Variants in ACTR3 observed in about 807,000 individuals in gnomAD.
ACTR3 encodes the protein actin-related protein 3.
A neutral mutation model predicts 56.8 loss-of-function variants in ACTR3; 12 were observed. That is an observed-to-expected ratio of 0.21 (90% CI 0.14 to 0.34). The LOEUF (loss-of-function observed/expected upper bound fraction) is 0.34. ACTR3 is among the 10% of genes least tolerant of loss of function. The probability of loss-of-function intolerance (pLI) is 1.00; values close to 1 mark genes in which losing one functional copy is unlikely to be tolerated. For synonymous variants in ACTR3, 162 were observed against 167.4 expected, an observed-to-expected ratio of 0.97 and a Z score of 0.25; for missense variants, 282 against 512.5, an observed-to-expected ratio of 0.55 and a Z score of 4.34.
At chr2:113,957,282 C>A in intron 11 of ACTR3, 78 bp from the exon 12 acceptor site, 1 of 1,019,572 alleles carries the variant, frequency 9.8e-7, no homozygotes, top group Non-Finnish European at 1.5e-6. Flanking sequence ...TAAAGCATCA[C>A]TCTTAAAGTT....
rs1680123845 is a variant in ACTR3, at chr2:113,951,698, ATATT to A, written c.952-16_952-13del. ...TTAAACTTTTCTCTTTTTAAATATT[ATATT>A]TATTTTCTCTCCACTAGAATATTGT... On this transcript the variant is annotated intron_variant, in intron 9 of 11. Transcript: ENST00000263238. The A allele has an allele frequency of 3.3e-6, 5 of 1,533,346 alleles. No homozygotes were observed. Among genetic ancestry groups the A allele is most frequent in the Non-Finnish European group, 4.4e-6 (5 of 1,132,462 alleles). 95.0% of individuals were successfully genotyped at this position (1,533,346 alleles called of 1,614,324 possible). A position where few individuals can be genotyped will look rare whatever the true frequency, so the allele number is the denominator to read the frequency against.
intron 4 of ACTR3, among the ~76,000 whole-genome samples, chr2:113,930,798 A>C (rs1025399431): frequency 1.3e-5 from 2 of 152,358 alleles, no homozygotes; most frequent in African/African-American, 4.8e-5. Flanking sequence ...AGGTAAATTA[A>C]TATAACATTT....
intron 10 of ACTR3, 138 bp downstream of exon 10, chr2:113,951,983 T>C (rs921384726): frequency 2.8e-6 from 3 of 1,073,652 alleles, no homozygotes; most frequent in South Asian, 1.7e-5. Flanking sequence ...GTTAATGTTA[T>C]AGATTTATGT....
chr2:113,950,911 C>G (rs1052597002), intron 8 of ACTR3: 3 of 152,662 alleles, frequency 2.0e-5, no homozygotes, highest in Admixed American at 2.0e-4. Context: ...GGAGCAAGTC[C>G]TGTCTTACAT....
At chr2:113,944,840 A>T (rs1679987997) in intron 8 of ACTR3, among the ~76,000 whole-genome samples, 1 of 152,198 alleles carries the variant, frequency 6.6e-6, no homozygotes, top group African/African-American at 2.4e-5. Flanking sequence ...ACTAGTGAGT[A>T]CATATTAATA....
Position 113,962,010 on chromosome 2 carries a change from A to C in ACTR3, c.*4555A>C, listed in dbSNP as rs1047158653. 3.9e-5 allele frequency: 6 copies of C among 152,012 alleles called. No homozygotes were observed. Among genetic ancestry groups the C allele is most frequent in the Non-Finnish European group, 8.8e-5 (6 of 67,922 alleles). 9.4% of individuals were successfully genotyped at this position (152,012 alleles called of 1,614,324 possible). A position where few individuals can be genotyped will look rare whatever the true frequency, so the allele number is the denominator to read the frequency against. ...GTGCCTGACATATTGCTTGGCATATAGTAGTTTAGTGGATGTGTTTGATGA... is the reference window on the plus strand; with the variant it reads ...GTGCCTGACATATTGCTTGGCATATCGTAGTTTAGTGGATGTGTTTGATGA... On this transcript the variant is annotated 3_prime_UTR_variant, in exon 12 of 12. Coordinates refer to ENST00000263238, the MANE Select transcript of ACTR3 (RefSeq NM_005721.5).
chr2:113,933,338 G>T (rs1265911289), intron 5 of ACTR3, among the ~76,000 whole-genome samples: 1 of 151,994 alleles, frequency 6.6e-6, no homozygotes, highest in Non-Finnish European at 1.5e-5. Context: ...GTGAAACCCC[G>T]TCTCTACTGA....
chr2:113,940,836 G>A (rs1018645472), intron 7 of ACTR3, among the ~76,000 whole-genome samples: 1 of 36,534 alleles, frequency 2.7e-5, no homozygotes, highest in Non-Finnish European at 5.5e-5. Flanking sequence ...TTTTTTTTTT[G>A]TAGAGATGGG....
At chr2:113,896,586 A>G (rs1159603844) in intron 1 of ACTR3, among the ~76,000 whole-genome samples, 2 of 152,274 alleles carry the variant, frequency 1.3e-5, no homozygotes, top group East Asian at 1.9e-4. Context: ...GAAACATTCT[A>G]GAGGAAATTA....
chr2:113,952,174 T>G (rs1256454028), intron 10 of ACTR3: 1 of 211,662 alleles, frequency 4.7e-6, no homozygotes, highest in African/African-American at 2.3e-5. Context: ...AAATGTTTTA[T>G]ACTATAGAAG....
chr2:113,903,725 C>T (rs1228914010), intron 1 of ACTR3, among the ~76,000 whole-genome samples: 1 of 151,974 alleles, frequency 6.6e-6, no homozygotes, highest in African/African-American at 2.4e-5. Flanking sequence ...AACTCCTGGC[C>T]TCAAGTGATC....
In ACTR3 at chr2:113,916,912, G is replaced by C; in HGVS notation, c.129G>C (p.Val43=). The C allele has an allele frequency of 6.2e-7, 1 of 1,609,796 alleles. No homozygotes were observed. The highest frequency in any genetic ancestry group is 8.5e-7 in the Non-Finnish European group (1 of 1,177,284). ...TTGCTATTAAGGAGTCAGCAAAAGT[G>C]GGTGATCAAGCTCAAAGGAGGGTGA... ...SCIAIKESAK[V]GDQAQRRVMK... Residue 43 remains valine, a synonymous_variant, in exon 3 of 12, where the codon GTG becomes GTC. Coordinates refer to ENST00000263238, the MANE Select transcript of ACTR3 (RefSeq NM_005721.5).
At chr2:113,902,493 C>A (rs1020789861) in intron 1 of ACTR3, among the ~76,000 whole-genome samples, 1 of 151,932 alleles carries the variant, frequency 6.6e-6, no homozygotes, top group South Asian at 2.1e-4. Flanking sequence ...ATCTCCCTTT[C>A]GCAGCCAAAA....
At chr2:113,914,723 A>G (rs1679372565) in intron 2 of ACTR3, among the ~76,000 whole-genome samples, 1 of 152,126 alleles carries the variant, frequency 6.6e-6, no homozygotes, top group Non-Finnish European at 1.5e-5. Flanking sequence ...CTTTCTAGAA[A>G]CAAACTTATT....
intron 5 of ACTR3, among the ~76,000 whole-genome samples, chr2:113,931,687 CAAG>C (rs1213753011): frequency 6.6e-6 from 1 of 152,056 alleles, no homozygotes; most frequent in Non-Finnish European, 1.5e-5. Flanking sequence ...TTCTCTGTGA[CAAG>C]AACATTGTAT....
chr2:113,903,742 C>G (rs1213974156), intron 1 of ACTR3, among the ~76,000 whole-genome samples: 3 of 152,156 alleles, frequency 2.0e-5, no homozygotes, highest in Non-Finnish European at 4.4e-5. Context: ...GATCTACCCA[C>G]TTCGGCCTCC....
In ACTR3 at chr2:113,901,199, TC is replaced by T. The variant is rs1247656254; in HGVS notation, c.44+10879del. On this transcript the variant is annotated intron_variant, in intron 1 of 11. Coordinates refer to ENST00000263238, the MANE Select transcript of ACTR3 (RefSeq NM_005721.5). The stretch of plus-strand genomic sequence containing the variant: ...TGGGCGTGGTGGCGTGTGCCTGTAA[TC>T]CCAGCTACTTGGGAGGCTGAGGCAG... Among the ~76,000 whole-genome samples the T allele has an allele frequency of 5.3e-5, 8 of 152,152 alleles. No individual in the cohort carries two copies. In the East Asian group the frequency reaches 1.5e-3, roughly 29 times the overall value.
chr2:113,897,160 T>TTACC (rs1200222693), intron 1 of ACTR3, among the ~76,000 whole-genome samples: 3 of 152,184 alleles, frequency 2.0e-5, no homozygotes, highest in Non-Finnish European at 4.4e-5. Flanking sequence ...GTGCTGTAGC[T>TTACC]TACCAAACAC....
chr2:113,921,006 A>G (rs1679496433), intron 3 of ACTR3, among the ~76,000 whole-genome samples: 1 of 152,162 alleles, frequency 6.6e-6, no homozygotes, highest in South Asian at 2.1e-4. Flanking sequence ...GCTGGATCAT[A>G]TGGTAGTTCT....
Sources: gnomAD v4.1 joint callset for allele counts (sites outside exome capture counted in the v4.1 genomes callset) on GRCh38, gnomAD v4.1.1 for gene constraint, MANE v1.5 for transcripts, NCBI Gene and HGNC (gene_info 2026-07-23, HGNC 2026-07-21) for gene names.